The following DNMBP variants were observed in gnomAD, a reference collection of about 807,000 sequenced individuals.
The protein encoded by DNMBP is dynamin-binding protein.
Under a neutral mutation model 150.0 loss-of-function variants are expected in DNMBP, and 87 were observed. That is an observed-to-expected ratio of 0.58 (90% confidence interval 0.49 to 0.69). DNMBP has a LOEUF of 0.69. DNMBP is among the 30% of genes least tolerant of loss of function. The pLI, the probability that DNMBP is intolerant of heterozygous loss-of-function variation, is 0.00. For synonymous variants in DNMBP, 711 were observed against 750.4 expected (o/e 0.95, Z 0.86); for missense variants, 1,774 against 1,949.0 (o/e 0.91, Z 1.69).
chr10:99,956,729 C>T lies in DNMBP; in HGVS notation c.745G>A (p.Val249Ile). The change falls in exon 4 of 17, where the codon GTC becomes ATC. Residue 249 changes from valine to isoleucine, a missense_variant. By Grantham distance (29) the Val-to-Ile change is conservative. Around this residue, in one of 2 missense-constraint regions of DNMBP, gnomAD observed 344 missense variants for 456.6 expected, o/e 0.75. Coordinates refer to ENST00000324109, the MANE Select transcript of DNMBP (RefSeq NM_015221.4). ...EDEEEPGTYG[V>I]ALYRFQALEP... ...AGGGCTTGGAATCTGTACAGGGCGA[C>T]CCCATAGGTCCCTGGCTCCTCCTCA... The T allele has an allele frequency of 5.0e-6, 8 of 1,614,114 alleles. No homozygotes were observed. The highest frequency in any genetic ancestry group is 6.8e-6 in the Non-Finnish European group (8 of 1,180,010).
chr10:99,914,891 A>C (rs2039943887), intron 4 of DNMBP, among the ~76,000 whole-genome samples: 1 of 151,776 alleles, frequency 6.6e-6, no homozygotes, highest in African/African-American at 2.4e-5. Flanking sequence ...CAGGAGTTTA[A>C]GACCAGCCTG....
Position 99,925,966 on chromosome 10 carries a change from A to G in DNMBP, c.2261-16820T>C, listed in dbSNP as rs186745316. 7.9e-5 allele frequency among the ~76,000 whole-genome samples: 12 copies of G among 152,358 alleles called. No homozygotes were observed. In the East Asian group the frequency reaches 1.5e-3, roughly 20 times the overall value. On this transcript the variant is annotated intron_variant, in intron 4 of 16. Coordinates refer to ENST00000324109, the MANE Select transcript of DNMBP (RefSeq NM_015221.4). ...ATATAAGCTTCCTTCCAGTAATAAC[A>G]TAAGAGGCTCCTATTTTGTAGCCTT...
At chr10:100,003,226 A>G (rs1389624426) in intron 1 of DNMBP, among the ~76,000 whole-genome samples, 2 of 152,226 alleles carry the variant, frequency 1.3e-5, no homozygotes, top group Non-Finnish European at 2.9e-5. Context: ...ACACACCGGT[A>G]GCCCCAGCTA....
intron 4 of DNMBP, among the ~76,000 whole-genome samples, chr10:99,919,259 A>G (rs2039997086): frequency 6.6e-6 from 1 of 152,210 alleles, no homozygotes; most frequent in Non-Finnish European, 1.5e-5. Context: ...TATCCATAAA[A>G]GCATGGCCAT....
At chr10:99,929,753 C>T (rs898757628) in intron 4 of DNMBP, 17 of 702,836 alleles carry the variant, frequency 2.4e-5, no homozygotes, top group African/African-American at 7.0e-5. Context: ...TCTCTAATGA[C>T]GAGCTCTGAG....
chr10:99,935,776 C>A (rs552159944), intron 4 of DNMBP, among the ~76,000 whole-genome samples: 3 of 152,288 alleles, frequency 2.0e-5, no homozygotes, highest in Admixed American at 2.0e-4. Flanking sequence ...GTTGGCCAGG[C>A]TAGTCTTGAA....
intron 13 of DNMBP, 50 bp downstream of exon 13, chr10:99,886,250 C>A (rs2039460224): frequency 6.8e-7 from 1 of 1,465,054 alleles, no homozygotes; most frequent in East Asian, 2.3e-5. Flanking sequence ...CAGAAAAATA[C>A]CAGGCAAAGG....
At position 99,898,292 on chromosome 10, in the gene DNMBP, G is replaced by A; in HGVS notation, c.2721-7C>T. The stretch of plus-strand genomic sequence containing the variant: ...AATATAATTTGTGCATCCCCTGTAA[G>A]AGAAGGAAAAAAGACTTTAGTAAGC... On this transcript the variant is annotated splice_polypyrimidine_tract_variant and splice_region_variant and intron_variant, in intron 8 of 16. Transcript: ENST00000324109. The A allele has an allele frequency of 2.5e-6, 4 of 1,609,042 alleles. No individual in the cohort carries two copies. Among genetic ancestry groups the A allele is most frequent in the Non-Finnish European group, 3.4e-6 (4 of 1,176,112 alleles).
chr10:99,948,919 C>T (rs746421405), intron 4 of DNMBP, among the ~76,000 whole-genome samples: 11 of 151,508 alleles, frequency 7.3e-5, no homozygotes, highest in South Asian at 2.1e-4. Context: ...GCCAAGATCA[C>T]GCCATTGCAC....
At chr10:99,882,625 G>A (rs1168011373) in intron 15 of DNMBP, among the ~76,000 whole-genome samples, 2 of 152,018 alleles carry the variant, frequency 1.3e-5, no homozygotes, top group Non-Finnish European at 2.9e-5. Context: ...ACAAGTATGT[G>A]TCAGTTATAA....
chr10:99,977,281 GCCCTGTATAC>G (rs2040738140), intron 1 of DNMBP, among the ~76,000 whole-genome samples: 1 of 152,144 alleles, frequency 6.6e-6, no homozygotes, highest in Non-Finnish European at 1.5e-5. Context: ...TGTCTTCTCT[GCCCTGTATAC>G]CCTATGAAAA....
At chr10:99,987,154 CAAA>C (rs796177770) in intron 1 of DNMBP, among the ~76,000 whole-genome samples, 3 of 121,938 alleles carry the variant, frequency 2.5e-5, no homozygotes, top group Admixed American at 8.7e-5. Flanking sequence ...GACTCCATCT[CAAA>C]AAAAAAAAAA....
chr10:99,988,772 C>T (rs1408777533), intron 1 of DNMBP, among the ~76,000 whole-genome samples: 1 of 152,122 alleles, frequency 6.6e-6, no homozygotes, highest in East Asian at 1.9e-4. Flanking sequence ...AGTGACTCTC[C>T]TGCCTCAGCC....
chr10:99,938,575 C>A (rs2040258938), intron 4 of DNMBP, among the ~76,000 whole-genome samples: 1 of 152,004 alleles, frequency 6.6e-6, no homozygotes, highest in Non-Finnish European at 1.5e-5. Context: ...TATAGTTGGG[C>A]AAGTGGAGAG....
intron 1 of DNMBP, among the ~76,000 whole-genome samples, chr10:99,973,617 A>T (rs2040699755): frequency 6.6e-6 from 1 of 152,214 alleles, no homozygotes; most frequent in African/African-American, 2.4e-5. Context: ...ACCTACTGAG[A>T]CTATCTGCAA....
intron 1 of DNMBP, among the ~76,000 whole-genome samples, chr10:99,996,584 C>T (rs1473152811): frequency 6.6e-6 from 1 of 152,130 alleles, no homozygotes; most frequent in African/African-American, 2.4e-5. Context: ...TTAATCAAAG[C>T]AAAATCCTTA....
chr10:99,988,299 C>A (rs1564755315), intron 1 of DNMBP, among the ~76,000 whole-genome samples: 2 of 152,270 alleles, frequency 1.3e-5, no homozygotes, highest in South Asian at 2.1e-4. Context: ...CACCTGTGCT[C>A]TCAAGGGTTA....
intron 4 of DNMBP, among the ~76,000 whole-genome samples, chr10:99,925,072 T>C (rs2040063308): frequency 6.6e-6 from 1 of 152,222 alleles, no homozygotes; most frequent in African/African-American, 2.4e-5. Context: ...TTTGCACCTC[T>C]GCTGTCTATA....
rs376345583 is a variant in DNMBP at position 99,900,091 on chromosome 10, G to A, written c.2555-25C>T. On this transcript the variant is annotated intron_variant, in intron 6 of 16. Transcript: ENST00000324109. ...CCTTTGGAATACACACAAACATACA[G>A]TGTTTTTAGTAAACTTTCTTCTCAG... is the stretch of plus-strand genomic sequence containing the variant. The A allele has an allele frequency of 5.6e-6, 9 of 1,612,728 alleles. No homozygotes were observed. In the African/African-American group the frequency reaches 9.4e-5, roughly 17 times the overall value.
Sources: gnomAD v4.1 joint callset for allele counts (sites outside exome capture counted in the v4.1 genomes callset) on GRCh38, gnomAD v4.1.1 for gene constraint, gnomAD v4.1.1 regional missense constraint, MANE v1.5 for transcripts, NCBI Gene and HGNC (gene_info 2026-07-23, HGNC 2026-07-21) for gene names.